The following SGCD variants were observed in gnomAD, a reference collection of about 807,000 sequenced individuals.
SGCD encodes delta-sarcoglycan.
A neutral mutation model predicts 36.6 loss-of-function variants in SGCD; 18 were observed. The ratio of observed to expected loss-of-function variants is 0.49; its 90% confidence interval spans 0.34 to 0.73. The LOEUF (loss-of-function observed/expected upper bound fraction) is 0.73. Ranked by LOEUF, SGCD falls within the 30% of genes least tolerant of loss-of-function variation. SGCD has a pLI of 0.01. For missense variants in SGCD, 387 were observed against 346.7 expected (o/e 1.12, Z -0.92); for synonymous variants, 133 against 130.6 (o/e 1.02, Z -0.12).
intron 1 of SGCD, among the ~76,000 whole-genome samples, chr5:155,876,545 C>T (rs1051673102): frequency 1.3e-5 from 2 of 151,948 alleles, no homozygotes; most frequent in African/African-American, 2.4e-5. Context: ...TAATGCACTT[C>T]GTAGGCCAAA....
At chr5:156,359,580 G>C (rs970035092) in intron 3 of SGCD, among the ~76,000 whole-genome samples, 1 of 152,164 alleles carries the variant, frequency 6.6e-6, no homozygotes, top group Non-Finnish European at 1.5e-5. Context: ...TCTAACAGCT[G>C]TTGCACATAT....
chr5:156,397,915 G>A (rs1466142411), intron 3 of SGCD, among the ~76,000 whole-genome samples: 1 of 152,038 alleles, frequency 6.6e-6, no homozygotes, highest in African/African-American at 2.4e-5. Flanking sequence ...TTGAAAAACG[G>A]GTTTGAATCT....
At chr5:156,005,641 G>C (rs1758747167) in intron 1 of SGCD, among the ~76,000 whole-genome samples, 1 of 152,124 alleles carries the variant, frequency 6.6e-6, no homozygotes, top group Non-Finnish European at 1.5e-5. Context: ...TAGTAGAAAT[G>C]GGGTTTCACC....
chr5:156,620,613 CAG>C (rs962580783), intron 6 of SGCD, among the ~76,000 whole-genome samples: 12 of 152,208 alleles, frequency 7.9e-5, no homozygotes, highest in Admixed American at 2.6e-4. Context: ...TGGATGGGGA[CAG>C]AGTTTGACTT....
intron 3 of SGCD, among the ~76,000 whole-genome samples, chr5:156,284,665 A>G (rs1478916063): frequency 1.3e-5 from 2 of 152,172 alleles, no homozygotes; most frequent in Non-Finnish European, 2.9e-5. Flanking sequence ...TATTGATGGG[A>G]TGTATCTCAA....
At chr5:156,159,562 T>A (rs545993852) in intron 3 of SGCD, among the ~76,000 whole-genome samples, 8 of 151,752 alleles carry the variant, frequency 5.3e-5, no homozygotes, top group African/African-American at 1.9e-4. Flanking sequence ...CAGATTGTAA[T>A]AACCAATTTT....
At chr5:155,835,151 GGCGCCCACCACCATGC>G in the SGCD span, among the ~76,000 whole-genome samples, 17 of 151,652 alleles carry the variant, frequency 1.1e-4, no homozygotes, top group African/African-American at 4.1e-4. Flanking sequence ...TGGGATTACA[GGCGCCCACCACCATGC>G]CTGCTAATTT....
intron 3 of SGCD, among the ~76,000 whole-genome samples, chr5:156,386,769 GC>G (rs560441145): frequency 5.9e-5 from 9 of 152,332 alleles, no homozygotes; most frequent in Non-Finnish European, 1.0e-4. Flanking sequence ...ACAAGTGTTG[GC>G]TTTTTTGTTT....
chr5:156,388,170 AT>A (rs1472426181), intron 3 of SGCD, among the ~76,000 whole-genome samples: 61 of 152,300 alleles, frequency 4.0e-4, no homozygotes, highest in African/African-American at 1.4e-3. Flanking sequence ...CCAACCTGTG[AT>A]TCTGAGTTAT....
At chr5:156,748,425 T>A (rs1239446738) in intron 7 of SGCD, among the ~76,000 whole-genome samples, 1 of 152,154 alleles carries the variant, frequency 6.6e-6, no homozygotes, top group Non-Finnish European at 1.5e-5. Context: ...TCTAAAAACA[T>A]AATAGAATAG....
At chr5:156,101,939 TGTGAGA>T (rs1258929826) in intron 1 of SGCD, among the ~76,000 whole-genome samples, 75 of 147,928 alleles carry the variant, frequency 5.1e-4, no homozygotes, top group African/African-American at 1.6e-3. Context: ...TGTGTGTGTG[TGTGAGA>T]GAGAGAGAGA....
the SGCD span, among the ~76,000 whole-genome samples, chr5:155,854,758 C>T: frequency 2.0e-5 from 3 of 152,020 alleles, no homozygotes; most frequent in South Asian, 2.1e-4. Flanking sequence ...CAAATCTCAC[C>T]GTTTTAAATA....
chr5:155,777,986 G>T, the SGCD span, among the ~76,000 whole-genome samples: 1 of 152,124 alleles, frequency 6.6e-6, no homozygotes, highest in South Asian at 2.1e-4. Flanking sequence ...TTGCTCTAGA[G>T]AGACATATAT....
chr5:155,935,417 AT>A (rs1757175221), intron 1 of SGCD, among the ~76,000 whole-genome samples: 1 of 152,126 alleles, frequency 6.6e-6, no homozygotes, highest in East Asian at 1.9e-4. Flanking sequence ...ATGGAACTTC[AT>A]TGTTGTGGGG....
At chr5:156,535,165 T>C (rs10515740) in intron 4 of SGCD, among the ~76,000 whole-genome samples, 1 of 152,152 alleles carries the variant, frequency 6.6e-6, no homozygotes, top group Non-Finnish European at 1.5e-5. Flanking sequence ...TCAGAGATTT[T>C]TTTTCAGAAT....
chr5:156,524,100 A>T (rs1298995125), intron 4 of SGCD, among the ~76,000 whole-genome samples: 1 of 2,358 alleles, frequency 4.2e-4, no homozygotes, highest in Non-Finnish European at 1.0e-3. Context: ...CTTACTATAT[A>T]TATATATATA....
rs183040687 is a variant in SGCD at position 156,215,840 on chromosome 5, A to G, written c.-44+91821A>G. 2.0e-5 allele frequency among the ~76,000 whole-genome samples: 3 copies of G among 152,300 alleles called. No homozygotes were observed. The East Asian group carries it at 5.8e-4, about 29-fold the overall frequency. ...CCACCAGTCACACTAGTTGATATAT[A>G]TACAAAGGAAATGAAATCAGTATGT... On this transcript the variant is annotated intron_variant, in intron 3 of 9. Coordinates refer to the SGCD transcript ENST00000517913.
chr5:156,295,805 C>G (rs759609670), intron 3 of SGCD, among the ~76,000 whole-genome samples: 1 of 152,150 alleles, frequency 6.6e-6, no homozygotes, highest in African/African-American at 2.4e-5. Context: ...CCAAAATATC[C>G]AATCTCTAAG....
intron 3 of SGCD, among the ~76,000 whole-genome samples, chr5:156,381,753 T>C (rs1348432483): frequency 2.6e-5 from 4 of 152,132 alleles, no homozygotes; most frequent in Non-Finnish European, 5.9e-5. Flanking sequence ...AAAGGGAGTA[T>C]AAGGCAGTAG....
Sources: allele counts gnomAD v4.1 joint callset (sites outside exome capture counted in the v4.1 genomes callset), GRCh38; gene constraint gnomAD v4.1.1; transcripts MANE v1.5; gene names NCBI Gene and HGNC (gene_info 2026-07-23, HGNC 2026-07-21).